Variants in SCN11A observed in about 807,000 individuals in gnomAD.
SCN11A encodes sodium voltage-gated channel alpha subunit 11, also known as sodium channel protein type 11 subunit alpha.
A neutral mutation model predicts 162.2 loss-of-function variants in SCN11A; 122 were observed. That is an observed-to-expected ratio of 0.75 (90% CI 0.65 to 0.87). The LOEUF is 0.87. SCN11A is among the 40% of genes least tolerant of loss of function. The pLI is 0.00. For missense variants in SCN11A, 2,015 were observed against 2,181.6 expected (o/e 0.92, Z 1.52); for synonymous variants, 758 against 751.5 (o/e 1.01, Z -0.14).
chr3:38,863,390 C>A (rs2064996458), intron 27 of SCN11A, 91 bp from the exon 28 acceptor site: 3 of 662,946 alleles, frequency 4.5e-6, no homozygotes, highest in Non-Finnish European at 7.9e-6. Context: ...AGTTACATTA[C>A]ATTTCTATTA....
intron 3 of SCN11A, among the ~76,000 whole-genome samples, chr3:38,959,123 G>A (rs1270347263): frequency 6.6e-6 from 1 of 152,198 alleles, no homozygotes; most frequent in Non-Finnish European, 1.5e-5. Context: ...TGGAATGCCA[G>A]AGGTCCACAC....
At position 38,904,053 on chromosome 3, in the gene SCN11A, A is replaced by T. The variant is rs1559521113; in HGVS notation, c.1654T>A (p.Ser552Thr). The change falls in exon 16 of 30, where the codon TCC (serine) becomes ACC (threonine). Residue 552 changes from serine (S) to threonine (T), a missense_variant. By Grantham distance (58) the Ser-to-Thr change is moderately conservative. Coordinates refer to ENST00000302328, the MANE Select transcript of SCN11A (RefSeq NM_001349253.2). ...PCLPCGENLA[S>T]KYLVWNCCPQ... is the part of the protein sequence containing the mutation. ...CAACAGTTCCACACGAGGTACTTGG[A>T]TGCCAGGTTTTCTCCACAAGGGAGA... The T allele has an allele frequency of 6.2e-7, 1 of 1,602,144 alleles. No individual in the cohort carries two copies. The highest frequency in any genetic ancestry group is 8.5e-7 in the Non-Finnish European group (1 of 1,176,404).
intron 8 of SCN11A, among the ~76,000 whole-genome samples, chr3:38,925,713 C>T (rs531723716): frequency 9.2e-5 from 14 of 152,214 alleles, no homozygotes; most frequent in Non-Finnish European, 1.9e-4. Context: ...ACGCTGTTCT[C>T]AGTTCACCTT....
chr3:38,893,997 T>C (rs2126115397), intron 19 of SCN11A, among the ~76,000 whole-genome samples: 1 of 152,214 alleles, frequency 6.6e-6, no homozygotes, highest in Admixed American at 6.5e-5. Context: ...TAAATTTCTC[T>C]TGTTTAGAAG....
chr3:39,005,961 A>G (rs2030961133), intron 2 of SCN11A, among the ~76,000 whole-genome samples: 1 of 152,144 alleles, frequency 6.6e-6, no homozygotes, highest in Admixed American at 6.5e-5. Context: ...CTAAATCATT[A>G]TTTTTAAGAA....
chr3:38,982,923 T>G (rs1227266606), intron 2 of SCN11A, among the ~76,000 whole-genome samples: 1 of 152,212 alleles, frequency 6.6e-6, no homozygotes, highest in African/African-American at 2.4e-5. Context: ...TTACCCCATA[T>G]GCCAGACACA....
At chr3:38,959,495 G>A (rs2066719425) in intron 3 of SCN11A, among the ~76,000 whole-genome samples, 1 of 152,174 alleles carries the variant, frequency 6.6e-6, no homozygotes, top group South Asian at 2.1e-4. Context: ...TGCGTCTATG[G>A]CAGCCTCACT....
intron 5 of SCN11A, among the ~76,000 whole-genome samples, chr3:38,947,516 A>T (rs924481943): frequency 6.6e-5 from 10 of 152,174 alleles, no homozygotes; most frequent in African/African-American, 2.4e-4. Flanking sequence ...GTGTGTGAGT[A>T]TTTTTGGTTG....
chr3:38,885,609 C>G (rs2065384993), intron 20 of SCN11A, among the ~76,000 whole-genome samples: 2 of 152,178 alleles, frequency 1.3e-5, no homozygotes, highest in Admixed American at 6.5e-5. Flanking sequence ...AACTCTCTAG[C>G]TCATCTCTAT....
At position 38,885,268 on chromosome 3, in the gene SCN11A, G is replaced by T. The variant is rs748827792; in HGVS notation, c.3064+20C>A. On this transcript the variant is annotated intron_variant, in intron 21 of 29. Coordinates refer to ENST00000302328, the MANE Select transcript of SCN11A (RefSeq NM_001349253.2). ...CATCCAAAGATTCTGTGAACTGGAT[G>T]CAGAAATACTGCCACTTACCTTTGG... The T allele has an allele frequency of 6.0e-6, 8 of 1,344,140 alleles. No individual in the cohort carries two copies. The highest frequency in any genetic ancestry group is 8.6e-6 in the Non-Finnish European group (8 of 933,976). 83.3% of individuals were successfully genotyped at this position (1,344,140 alleles called of 1,614,324 possible).
chr3:38,901,379 T>G (rs1425390911), intron 16 of SCN11A, among the ~76,000 whole-genome samples: 2 of 152,212 alleles, frequency 1.3e-5, no homozygotes, highest in Non-Finnish European at 2.9e-5. Context: ...TCTAAAAGCA[T>G]ACAGTGATGC....
At position 38,904,038 on chromosome 3, in the gene SCN11A, A is replaced by T; in HGVS notation, c.1669T>A (p.Trp557Arg). The T allele has an allele frequency of 6.2e-7, 1 of 1,607,110 alleles. No individual in the cohort carries two copies. Among genetic ancestry groups the T allele is most frequent in the Non-Finnish European group, 8.5e-7 (1 of 1,178,132 alleles). ...CACAGCCACTGGGGGCAACAGTTCC[A>T]CACGAGGTACTTGGATGCCAGGTTT... ...GENLASKYLV[W>R]NCCPQWLCVK... The change falls in exon 16 of 30, where the codon TGG becomes AGG. Residue 557 changes from tryptophan (W) to arginine (R), a missense_variant. Physicochemically the swap from Trp to Arg is moderately radical, Grantham distance 101. Coordinates refer to ENST00000302328, the MANE Select transcript of SCN11A (RefSeq NM_001349253.2).
chr3:38,846,842 G>A lies in SCN11A; in HGVS notation c.5228C>T (p.Ala1743Val), dbSNP rs771416596. The change falls in exon 30 of 30, where the codon GCC becomes GTC. Residue 1743 changes from alanine to valine, a missense_variant. Physicochemically the swap from Ala to Val is moderately conservative, Grantham distance 64 (BLOSUM62 0). Transcript: ENST00000302328. ...EERGAAIIQK[A>V]FRKYMMKVTK... Reference sequence around the variant, plus strand: ...CACCTTCATCATGTACTTTCGAAAGGCCTTTTGAATAATAGCAGCACCTCT... The same window carrying A: ...CACCTTCATCATGTACTTTCGAAAGACCTTTTGAATAATAGCAGCACCTCT... 2 of 1,614,000 alleles carry A rather than the reference G, an allele frequency of 1.2e-6. No individual in the cohort carries two copies. Among genetic ancestry groups the A allele is most frequent in the Admixed American group, 3.3e-5 (2 of 60,002 alleles).
At chr3:39,002,777 C>T (rs2030856094) in intron 2 of SCN11A, among the ~76,000 whole-genome samples, 2 of 152,138 alleles carry the variant, frequency 1.3e-5, no homozygotes, top group Non-Finnish European at 2.9e-5. Context: ...ATTTTGTTTG[C>T]TTTCTTGAAC....
intron 14 of SCN11A, among the ~76,000 whole-genome samples, chr3:38,907,299 T>C (rs2065807507): frequency 7.7e-6 from 1 of 129,412 alleles, no homozygotes. Context: ...GGTATATATA[T>C]ACCAACATAT....
chr3:38,929,703 G>C (rs534736213), intron 7 of SCN11A, among the ~76,000 whole-genome samples: 1 of 152,188 alleles, frequency 6.6e-6, no homozygotes, highest in African/African-American at 2.4e-5. Context: ...TAAGAGGTGG[G>C]ACCCTTAGGA....
At position 38,946,810 on chromosome 3, in the gene SCN11A, G is replaced by A; in HGVS notation, c.365C>T (p.Ala122Val). The change falls in exon 6 of 30, where the codon GCC (alanine) becomes GTC (valine). Residue 122 changes from alanine to valine, a missense_variant. Physicochemically the swap from Ala to Val is moderately conservative, Grantham distance 64. Coordinates refer to ENST00000302328, the MANE Select transcript of SCN11A (RefSeq NM_001349253.2). ...ATATGAATGGACTGAGACTCTAATG[G>A]CTAAACTTCTGATTGAATTGAAAGG... ...FGPFNSIRSL[A>V]IRVSVHSLFS... is the part of the protein sequence containing the mutation. 1 of 1,611,466 alleles carries A rather than the reference G, an allele frequency of 6.2e-7. No homozygotes were observed. Among genetic ancestry groups the A allele is most frequent in the Non-Finnish European group, 8.5e-7 (1 of 1,177,788 alleles).
intron 2 of SCN11A, among the ~76,000 whole-genome samples, chr3:38,969,744 G>C (rs2066805152): frequency 6.6e-6 from 1 of 152,210 alleles, no homozygotes; most frequent in Non-Finnish European, 1.5e-5. Context: ...CATAAGAAAA[G>C]AGACAGTGTC....
chr3:38,862,379 C>G (rs1281876283), intron 28 of SCN11A, among the ~76,000 whole-genome samples: 1 of 152,124 alleles, frequency 6.6e-6, no homozygotes, highest in Non-Finnish European at 1.5e-5. Context: ...TCAGCAATCT[C>G]ACTACTAGGT....
Sources: allele counts gnomAD v4.1 joint callset (sites outside exome capture counted in the v4.1 genomes callset), GRCh38; gene constraint gnomAD v4.1.1; transcripts MANE v1.5; gene names NCBI Gene and HGNC (gene_info 2026-07-23, HGNC 2026-07-21).